The following ANK2 variants were observed in gnomAD, a reference collection of about 807,000 sequenced individuals.
The protein encoded by ANK2 is ankyrin-2.
A neutral mutation model predicts 360.5 loss-of-function variants in ANK2; 83 were observed. The ratio of observed to expected loss-of-function variants is 0.23; its 90% confidence interval spans 0.19 to 0.28. The LOEUF (loss-of-function observed/expected upper bound fraction) is 0.28, where lower values mean the gene tolerates loss of function less well. Among genes scored for constraint, ANK2 ranks in the 10% least tolerant of loss-of-function variants. The pLI, the probability that ANK2 is intolerant of heterozygous loss-of-function variation, is 1.00. For missense variants in ANK2, 4,201 were observed against 4,795.7 expected (o/e 0.88, Z 3.66); for synonymous variants, 1,740 against 1,759.5 (o/e 0.99, Z 0.28).
At chr4:113,086,105 G>T (rs1029873029) in intron 1 of ANK2, among the ~76,000 whole-genome samples, 8 of 152,112 alleles carry the variant, frequency 5.3e-5, no homozygotes, top group Admixed American at 3.3e-4. Flanking sequence ...TCATTGATCA[G>T]AAGAGTATAA....
chr4:113,341,479 C>T (rs2094294093), intron 32 of ANK2, among the ~76,000 whole-genome samples: 1 of 152,050 alleles, frequency 6.6e-6, no homozygotes, highest in South Asian at 2.1e-4. Flanking sequence ...CTCTTCACTC[C>T]CTTCTGCTTT....
chr4:112,901,780 G>A (rs1367677738), intron 1 of ANK2, among the ~76,000 whole-genome samples: 2 of 151,380 alleles, frequency 1.3e-5, no homozygotes, highest in East Asian at 1.9e-4. Flanking sequence ...CAGGAGAATC[G>A]CTTAAACCCA....
At chr4:113,073,018 G>C (rs1351318308) in intron 1 of ANK2, among the ~76,000 whole-genome samples, 1 of 123,012 alleles carries the variant, frequency 8.1e-6, no homozygotes, top group Non-Finnish European at 1.6e-5. Flanking sequence ...CTGGAGTACA[G>C]TGGTGCAATC....
At chr4:113,095,627 T>C (rs555457014) in intron 1 of ANK2, among the ~76,000 whole-genome samples, 8 of 152,284 alleles carry the variant, frequency 5.3e-5, no homozygotes, top group Admixed American at 1.3e-4. Context: ...ATTATGAGGA[T>C]TGGGGGAGAA....
At chr4:113,326,489 A>G (rs1184530450) in intron 26 of ANK2, among the ~76,000 whole-genome samples, 2 of 152,094 alleles carry the variant, frequency 1.3e-5, no homozygotes, top group Non-Finnish European at 2.9e-5. Flanking sequence ...TTCTTGCTAG[A>G]TTTTATAAAC....
chr4:112,823,934 TG>T (rs542363737), intron 1 of ANK2, among the ~76,000 whole-genome samples: 409 of 152,342 alleles, frequency 2.7e-3, no homozygotes, highest in African/African-American at 9.4e-3. Flanking sequence ...GATTACTGTT[TG>T]GGGTCCATGG....
chr4:113,159,440 C>T (rs1187009179), intron 1 of ANK2, among the ~76,000 whole-genome samples: 2 of 151,986 alleles, frequency 1.3e-5, no homozygotes, highest in South Asian at 2.1e-4. Context: ...ACTGTAATTA[C>T]AGGGGATACT....
chr4:112,781,516 A>G, the ANK2 span, among the ~76,000 whole-genome samples: 1 of 152,228 alleles, frequency 6.6e-6, no homozygotes, highest in Non-Finnish European at 1.5e-5. Context: ...AAAAACAGAA[A>G]TAAGCTCATA....
chr4:113,234,750 T>C (rs2099358064), intron 5 of ANK2, among the ~76,000 whole-genome samples: 2 of 152,232 alleles, frequency 1.3e-5, no homozygotes, highest in Admixed American at 1.3e-4. Flanking sequence ...AATTGTGAGA[T>C]TATTCAATGT....
At chr4:112,768,137 G>A in the ANK2 span, among the ~76,000 whole-genome samples, 1 of 152,072 alleles carries the variant, frequency 6.6e-6, no homozygotes, top group Non-Finnish European at 1.5e-5. Flanking sequence ...TTTATATATT[G>A]TCCTTTATGT....
At chr4:113,259,205 T>A (rs1487663127) in intron 13 of ANK2, among the ~76,000 whole-genome samples, 4 of 152,122 alleles carry the variant, frequency 2.6e-5, no homozygotes, top group East Asian at 1.9e-4. Context: ...AATGTTCTCC[T>A]GAGCAAGAGA....
chr4:112,798,883 T>G, the ANK2 span, among the ~76,000 whole-genome samples: 6 of 152,180 alleles, frequency 3.9e-5, no homozygotes, highest in African/African-American at 1.4e-4. Context: ...TGGCATTAAG[T>G]ACATTCACAG....
At chr4:113,034,674 G>A (rs939071497) in intron 2 of ANK2, 5 of 151,958 alleles carry the variant, frequency 3.3e-5, no homozygotes, top group African/African-American at 1.2e-4. Context: ...TAGAGAGTGA[G>A]TAAATTACCT....
intron 2 of ANK2, among the ~76,000 whole-genome samples, chr4:113,013,284 G>C (rs900566014): frequency 5.3e-5 from 8 of 152,120 alleles, no homozygotes; most frequent in Non-Finnish European, 1.2e-4. Flanking sequence ...TCCCTACCTA[G>C]TCAAAGATCA....
intron 1 of ANK2, among the ~76,000 whole-genome samples, chr4:113,063,450 C>T (rs1193645505): frequency 1.3e-5 from 2 of 151,958 alleles, no homozygotes; most frequent in African/African-American, 4.8e-5. Flanking sequence ...GTGCATTTGC[C>T]CTTTTCCACT....
the ANK2 span, among the ~76,000 whole-genome samples, chr4:112,769,532 C>T: frequency 6.6e-6 from 1 of 152,302 alleles, no homozygotes; most frequent in Middle Eastern, 3.4e-3. Flanking sequence ...CTTCTTCATT[C>T]TTCCTCAGAA....
In ANK2 at chr4:113,358,421, A is replaced by T; in HGVS notation, c.9803A>T (p.Asp3268Val). The T allele has an allele frequency of 6.2e-7, 1 of 1,614,094 alleles. No homozygotes were observed. Among genetic ancestry groups the T allele is most frequent in the Non-Finnish European group, 8.5e-7 (1 of 1,179,962 alleles). ...FSTLTRSVYS[D>V]RGDDSPDSSP... ...ACACTCACCAGGTCTGTTTATTCAGATAGGGGTGATGATTCTCCCGATTCT... is the reference window on the plus strand; with the variant it reads ...ACACTCACCAGGTCTGTTTATTCAGTTAGGGGTGATGATTCTCCCGATTCT... The change falls in exon 38 of 46, where the codon GAT (aspartate) becomes GTT (valine). Residue 3268 changes from aspartate to valine, a missense_variant. By Grantham distance (152) the Asp-to-Val change is radical. This residue lies in a region of ANK2 where 2,642 missense variants were observed against 2,714.5 expected (regional missense o/e 0.97). Coordinates refer to ENST00000357077, the MANE Select transcript of ANK2 (RefSeq NM_001148.6).
the ANK2 span, among the ~76,000 whole-genome samples, chr4:112,723,525 G>A: frequency 6.6e-6 from 1 of 152,072 alleles, no homozygotes; most frequent in African/African-American, 2.4e-5. Flanking sequence ...CACCATGCCC[G>A]GCTAATTTTT....
chr4:112,977,236 G>A lies in ANK2; in HGVS notation c.21+72722G>A, dbSNP rs189223076. Among the ~76,000 whole-genome samples the A allele has an allele frequency of 3.4e-3, 525 of 152,210 alleles. 3 individuals are homozygous for A. Among genetic ancestry groups the A allele is most frequent in the African/African-American group, 0.012 (494 of 41,534 alleles). On this transcript the variant is annotated intron_variant, in intron 2 of 30. Transcript: ENST00000503271. The stretch of plus-strand genomic sequence containing the variant: ...ATGTCAAATTGCTTGGCTGTTTTCT[G>A]TGTGGAAAAAATTACTTTTCAGTTA...
Sources: gnomAD v4.1 joint callset for allele counts (sites outside exome capture counted in the v4.1 genomes callset) on GRCh38, gnomAD v4.1.1 for gene constraint, gnomAD v4.1.1 regional missense constraint, MANE v1.5 for transcripts, NCBI Gene and HGNC (gene_info 2026-07-23, HGNC 2026-07-21) for gene names.